The following ZNF846 variants were observed in gnomAD, a reference collection of about 807,000 sequenced individuals.
ZNF846 encodes zinc finger protein 846.
ZNF846 carries 15 observed loss-of-function variants against 16.0 expected under a neutral mutation model. The ratio of observed to expected loss-of-function variants is 0.94; its 90% CI spans 0.63 to 1.45. The LOEUF is 1.45. Among genes scored for constraint, ZNF846 ranks in the 40% most tolerant of loss-of-function variants. The pLI is 0.00. For missense variants in ZNF846, 714 were observed against 622.3 expected, an observed-to-expected ratio of 1.15 and a Z score of -1.57; for synonymous variants, 229 against 212.0, an observed-to-expected ratio of 1.08 and a Z score of -0.70.
chr19:9,783,536 A>ATATATATATATAT (rs1340564433), intron 1 of ZNF846, among the ~76,000 whole-genome samples: 5 of 108,354 alleles, frequency 4.6e-5, no homozygotes, highest in Non-Finnish European at 9.2e-5. Context: ...TAAAAAAAAA[A>ATATATATATATAT]AAAAAAAAAT....
At chr19:9,749,324 T>A (rs2045066336), downstream of ZNF846, among the ~76,000 whole-genome samples, 1 of 152,172 alleles carries the variant, frequency 6.6e-6, no homozygotes, top group Non-Finnish European at 1.5e-5. Flanking sequence ...GTCATCCCTA[T>A]TATCTTCTGT....
chr19:9,779,727 C>T (rs2045481795), intron 1 of ZNF846, among the ~76,000 whole-genome samples: 1 of 151,954 alleles, frequency 6.6e-6, no homozygotes, highest in Non-Finnish European at 1.5e-5. Flanking sequence ...CCCACCACCA[C>T]ACCCAGCTAA....
chr19:9,759,721 T>C (rs578126226), intron 5 of ZNF846, 139 bp downstream of exon 5: 4 of 599,104 alleles, frequency 6.7e-6, no homozygotes, highest in Non-Finnish European at 1.2e-5. Context: ...AAGTTTAGAG[T>C]GCTTCCCATA....
At chr19:9,773,996 CATAAAG>C (rs1478877112) in intron 1 of ZNF846, among the ~76,000 whole-genome samples, 1 of 152,058 alleles carries the variant, frequency 6.6e-6, no homozygotes, top group Non-Finnish European at 1.5e-5. Flanking sequence ...TGTAGAATAA[CATAAAG>C]ATACTTAGGT....
chr19:9,750,606 C>T (rs2045076171), downstream of ZNF846, among the ~76,000 whole-genome samples: 1 of 152,186 alleles, frequency 6.6e-6, no homozygotes, highest in Admixed American at 6.5e-5. Context: ...ATCCAGTTTG[C>T]AAATGGGAAC....
downstream of ZNF846, among the ~76,000 whole-genome samples, chr19:9,755,968 G>A (rs1051689211): frequency 4.1e-5 from 6 of 147,564 alleles, no homozygotes; most frequent in Non-Finnish European, 8.9e-5. Flanking sequence ...AGCCTCCCAA[G>A]CAATTGGGAT....
downstream of ZNF846, among the ~76,000 whole-genome samples, chr19:9,755,799 CAAAAAAAAAAAAAAAAAAAAAA>C (rs538572391): frequency 4.0e-5 from 1 of 24,696 alleles, no homozygotes; most frequent in East Asian, 2.6e-3. Context: ...GACTCCGTCT[CAAAAAAAAAAAAAAAAAAAAAA>C]AAAAAAAAAA....
rs149709514 is a variant in ZNF846 at position 9,779,754 on chromosome 19, T to C, written c.-86+6184A>G. On this transcript the variant is annotated intron_variant, in intron 1 of 4. Coordinates refer to the ZNF846 transcript ENST00000586814. Reference sequence around the variant, plus strand: ...CCCAGCTAATTTTTTGTATTGTTAGTAGAGACGAGGTTTCACCATGTTGGC... The same window carrying C: ...CCCAGCTAATTTTTTGTATTGTTAGCAGAGACGAGGTTTCACCATGTTGGC... Among the ~76,000 whole-genome samples, 28 of 151,968 alleles carry C rather than the reference T, an allele frequency of 1.8e-4. 1 individual carries two copies. In the East Asian group the frequency reaches 4.8e-3, roughly 26 times the overall value.
chr19:9,764,605 T>C (rs2045284435), intron 2 of ZNF846, among the ~76,000 whole-genome samples: 2 of 152,218 alleles, frequency 1.3e-5, no homozygotes, highest in East Asian at 1.9e-4. Context: ...CAGTGCATTG[T>C]TGGCACTGTG....
In ZNF846 at chr19:9,777,361, A is replaced by G. The variant is rs181664613; in HGVS notation, c.-86+8577T>C. 1.4e-4 allele frequency among the ~76,000 whole-genome samples: 21 copies of G among 151,952 alleles called. No homozygotes were observed. The East Asian group carries it at 3.3e-3, about 24-fold the overall frequency. ...CAAACAAACCAAAAGAAAATTAAAA[A>G]CAATTGGGTGTGGAAAAACTTGAGT... On this transcript the variant is annotated intron_variant, in intron 1 of 4. Transcript: ENST00000586814.
exon 6 of ZNF846, chr19:9,758,487 A>C: frequency 2.5e-6 from 4 of 1,613,558 alleles, no homozygotes; most frequent in Non-Finnish European, 3.4e-6. Flanking sequence ...GCATTCACAC[A>C]ATTTCTCTTG....
chr19:9,783,187 G>T (rs747473470), intron 1 of ZNF846, among the ~76,000 whole-genome samples: 36 of 140,162 alleles, frequency 2.6e-4, no homozygotes, highest in Non-Finnish European at 5.2e-4. Flanking sequence ...CTGAAATACA[G>T]ACCTGAGTAC....
chr19:9,758,059 A>G, exon 6 of ZNF846: 1 of 1,613,602 alleles, frequency 6.2e-7, no homozygotes, highest in Non-Finnish European at 8.5e-7. Flanking sequence ...CACTCCTTAC[A>G]TTCATATGGC....
In ZNF846 at chr19:9,765,043, AAAG is replaced by A. The variant is rs2045292887; in HGVS notation, c.-85-11_-85-9del. The A allele has an allele frequency of 2.2e-6, 3 of 1,387,132 alleles. No individual in the cohort carries two copies. The highest frequency in any genetic ancestry group is 3.1e-6 in the Non-Finnish European group (3 of 974,418). 85.9% of individuals were successfully genotyped at this position (1,387,132 alleles called of 1,614,324 possible). On this transcript the variant is annotated splice_polypyrimidine_tract_variant and intron_variant, in intron 1 of 5. Transcript: ENST00000397902. ...TGTCCTGGAAAAAATGACCTTTGGAAAAGAATAATGGCATGTCAGTTGGATACA... is the reference window on the plus strand; with the variant it reads ...TGTCCTGGAAAAAATGACCTTTGGAAAATAATGGCATGTCAGTTGGATACA...
chr19:9,774,847 C>T lies in ZNF846; in HGVS notation c.-85-9812G>A, dbSNP rs879252889. 41 of 1,609,544 alleles carry T rather than the reference C, an allele frequency of 2.5e-5. No individual in the cohort carries two copies. In the East Asian group the frequency reaches 3.1e-4, roughly 12 times the overall value. ...TAGCACTGGTGAATGACCCCCAGCC[C>T]GAGCACCCGCTTCGGGCTGACCTAG... On this transcript the variant is annotated intron_variant, in intron 1 of 4. Transcript: ENST00000586814.
chr19:9,750,063 G>A (rs1012098413), downstream of ZNF846, among the ~76,000 whole-genome samples: 1 of 151,854 alleles, frequency 6.6e-6, no homozygotes, highest in Non-Finnish European at 1.5e-5. Context: ...CCATCCAAAT[G>A]TTCCTTTACT....
chr19:9,774,200 G>A lies in ZNF846; in HGVS notation c.-85-9165C>T, dbSNP rs10414571. 8.7e-3 allele frequency among the ~76,000 whole-genome samples: 1,331 copies of A among 152,262 alleles called. 14 individuals are homozygous for A. The highest frequency in any genetic ancestry group is 0.031 in the African/African-American group (1,284 of 41,544). On this transcript the variant is annotated intron_variant, in intron 1 of 4. Coordinates refer to the ZNF846 transcript ENST00000586814. ...ATAACAATCCCAGGCCGGGCGCAGT[G>A]TCTTATGCCTGTAATCCCAGCACTT...
downstream of ZNF846, among the ~76,000 whole-genome samples, chr19:9,757,185 A>G (rs530622677): frequency 2.6e-3 from 391 of 149,994 alleles, 13 homozygotes; most frequent in African/African-American, 9.2e-3. Context: ...AGAGAGAGAG[A>G]CTCTGTCTCA....
intron 1 of ZNF846, among the ~76,000 whole-genome samples, chr19:9,779,880 CTT>C (rs770205406): frequency 1.1e-4 from 15 of 140,566 alleles, no homozygotes; most frequent in African/African-American, 1.3e-4. Flanking sequence ...GCCATCACGA[CTT>C]TTTTTTTTTT....
Sources: allele counts gnomAD v4.1 joint callset (sites outside exome capture counted in the v4.1 genomes callset), GRCh38; gene constraint gnomAD v4.1.1; transcripts MANE v1.5; gene names NCBI Gene and HGNC (gene_info 2026-07-23, HGNC 2026-07-21).